The following DPP10 variants were observed in gnomAD, a reference collection of about 807,000 sequenced individuals.
DPP10 encodes inactive dipeptidyl peptidase 10.
A neutral mutation model predicts 120.9 loss-of-function variants in DPP10; 33 were observed. That is an observed-to-expected ratio of 0.27 (90% CI 0.21 to 0.37). DPP10 has a LOEUF of 0.37. Among genes scored for constraint, DPP10 ranks in the 10% least tolerant of loss-of-function variants. DPP10 has a pLI of 1.00. For synonymous variants in DPP10, 337 were observed against 326.1 expected, an observed-to-expected ratio of 1.03 and a Z score of -0.36; for missense variants, 816 against 942.8, an observed-to-expected ratio of 0.87 and a Z score of 1.76.
intron 1 of DPP10, among the ~76,000 whole-genome samples, chr2:114,767,371 G>C (rs1416087751): frequency 6.7e-6 from 1 of 149,858 alleles, no homozygotes; most frequent in African/African-American, 2.4e-5. Context: ...GAATAAAAAG[G>C]TCTAACATAG....
intron 5 of DPP10, among the ~76,000 whole-genome samples, chr2:115,660,655 C>CTTTTTTTTTTTTTTTTTT: frequency 2.8e-4 from 7 of 25,314 alleles, no homozygotes; most frequent in African/African-American, 3.8e-4. Flanking sequence ...CTCTGTCTGG[C>CTTTTTTTTTTTTTTTTTT]TTTTTTTTTT....
intron 3 of DPP10, among the ~76,000 whole-genome samples, chr2:115,347,438 A>G (rs895118449): frequency 1.6e-4 from 24 of 152,216 alleles, no homozygotes; most frequent in African/African-American, 5.1e-4. Flanking sequence ...AGGTTAAAAT[A>G]TTTTTAAATC....
chr2:115,655,588 G>C (rs530263285), intron 5 of DPP10, among the ~76,000 whole-genome samples: 1 of 151,452 alleles, frequency 6.6e-6, no homozygotes, highest in South Asian at 2.1e-4. Context: ...GATTGGTTTG[G>C]ATATATAGGG....
chr2:114,995,196 C>T (rs1227287579), intron 1 of DPP10, among the ~76,000 whole-genome samples: 1 of 152,192 alleles, frequency 6.6e-6, no homozygotes, highest in African/African-American at 2.4e-5. Flanking sequence ...TAGCCCTTGT[C>T]ATCTCAGCCG....
chr2:114,626,053 T>C (rs977049536), intron 1 of DPP10, among the ~76,000 whole-genome samples: 16 of 151,738 alleles, frequency 1.1e-4, no homozygotes, highest in African/African-American at 3.9e-4. Context: ...ACAATTCAAA[T>C]TTAGGGTTAC....
intron 1 of DPP10, among the ~76,000 whole-genome samples, chr2:114,533,140 A>G (rs1272274075): frequency 2.0e-5 from 3 of 152,148 alleles, no homozygotes; most frequent in Non-Finnish European, 4.4e-5. Flanking sequence ...GTATCATGGC[A>G]TTGGGCATCT....
intron 1 of DPP10, among the ~76,000 whole-genome samples, chr2:114,908,367 G>A (rs183753258): frequency 2.9e-4 from 44 of 151,824 alleles, no homozygotes; most frequent in Non-Finnish European, 5.3e-4. Context: ...TATGTCTCAC[G>A]TCTCTTTTTG....
chr2:114,626,815 C>T (rs1277825696), intron 1 of DPP10, among the ~76,000 whole-genome samples: 5 of 152,032 alleles, frequency 3.3e-5, no homozygotes, highest in Admixed American at 6.6e-5. Flanking sequence ...TGAAATTTTG[C>T]GTGTGATTTA....
rs140371126 is a variant in DPP10, at chr2:115,505,995, A to AATAAAGTTT, written c.366+6396_366+6397insGTTTATAAA. On this transcript the variant is annotated intron_variant, in intron 4 of 25. Transcript: ENST00000410059. Reference sequence around the variant, plus strand: ...TTTATAAACTAAAATTATTAATACAAATAAAATAATAAAACACTCAGTGTT... The same window carrying AATAAAGTTT: ...TTTATAAACTAAAATTATTAATACAAATAAAGTTTATAAAATAATAAAACACTCAGTGTT... Among the ~76,000 whole-genome samples the AATAAAGTTT allele has an allele frequency of 5.3e-5, 8 of 151,768 alleles. No individual in the cohort carries two copies. The South Asian group carries it at 1.5e-3, about 28-fold the overall frequency.
chr2:114,905,540 G>A (rs1297913588), intron 1 of DPP10, among the ~76,000 whole-genome samples: 1 of 151,992 alleles, frequency 6.6e-6, no homozygotes, highest in Non-Finnish European at 1.5e-5. Flanking sequence ...GTAAACTTGT[G>A]TCATGGGGGT....
chr2:115,782,551 T>G lies in DPP10; in HGVS notation c.1531+152T>G, dbSNP rs139535153. ...CGTGTATACCATCAACTTGACCTTA[T>G]GTATGTAAGAGAAACAGTAAAGCAA... is the stretch of plus-strand genomic sequence containing the variant. On this transcript the variant is annotated intron_variant, in intron 17 of 25. Coordinates refer to ENST00000410059, the MANE Select transcript of DPP10 (RefSeq NM_020868.6). 5.7e-4 allele frequency: 380 copies of G among 672,138 alleles called. 3 individuals are homozygous for G. In the East Asian group the frequency reaches 0.01, roughly 18 times the overall value. The allele number at this position is 672,138 out of a possible 1,614,324, so 41.6% of individuals were successfully genotyped here.
At chr2:114,566,496 GAA>G (rs2104981217) in intron 1 of DPP10, among the ~76,000 whole-genome samples, 1 of 152,286 alleles carries the variant, frequency 6.6e-6, no homozygotes, top group South Asian at 2.1e-4. Flanking sequence ...TCAAAACGGA[GAA>G]ACCAACTAAA....
intron 1 of DPP10, among the ~76,000 whole-genome samples, chr2:115,117,495 C>G (rs1178836934): frequency 6.6e-6 from 1 of 152,148 alleles, no homozygotes; most frequent in Non-Finnish European, 1.5e-5. Context: ...ATAACCCCAG[C>G]CACTCGAGAG....
chr2:115,310,908 A>G (rs970854055), intron 2 of DPP10, among the ~76,000 whole-genome samples: 1 of 152,174 alleles, frequency 6.6e-6, no homozygotes, highest in African/African-American at 2.4e-5. Context: ...TGGTTCTAGC[A>G]TCCTTGGCCC....
chr2:114,609,211 G>A (rs1286673443), intron 1 of DPP10, among the ~76,000 whole-genome samples: 7 of 152,182 alleles, frequency 4.6e-5, no homozygotes, highest in Non-Finnish European at 7.4e-5. Context: ...TTGGAGTGGC[G>A]GAGACCTATT....
At chr2:115,405,190 G>C (rs1346631283) in intron 3 of DPP10, among the ~76,000 whole-genome samples, 1 of 152,190 alleles carries the variant, frequency 6.6e-6, no homozygotes, top group African/African-American at 2.4e-5. Flanking sequence ...AAATACAATG[G>C]TGGAACAGGC....
At chr2:115,229,566 G>A (rs2057628442) in intron 1 of DPP10, among the ~76,000 whole-genome samples, 1 of 152,000 alleles carries the variant, frequency 6.6e-6, no homozygotes, top group African/African-American at 2.4e-5. Flanking sequence ...TTTATATACA[G>A]ATCTAGTCTT....
At chr2:114,902,027 A>G (rs1275047922) in intron 1 of DPP10, among the ~76,000 whole-genome samples, 1 of 152,160 alleles carries the variant, frequency 6.6e-6, no homozygotes, top group East Asian at 1.9e-4. Context: ...TTATCATGAG[A>G]GTTCTTTGAG....
At chr2:115,564,863 AG>A (rs1408190457) in intron 5 of DPP10, among the ~76,000 whole-genome samples, 5 of 152,166 alleles carry the variant, frequency 3.3e-5, no homozygotes, top group Admixed American at 2.6e-4. Flanking sequence ...AGTATTAGTC[AG>A]TTGGGTTAGA....
Sources: allele counts gnomAD v4.1 joint callset (sites outside exome capture counted in the v4.1 genomes callset), GRCh38; gene constraint gnomAD v4.1.1; transcripts MANE v1.5; gene names NCBI Gene and HGNC (gene_info 2026-07-23, HGNC 2026-07-21).